Variants in SLAIN2 observed in about 807,000 individuals in gnomAD.
SLAIN2 encodes SLAIN family member 2, also known as SLAIN motif-containing protein 2.
SLAIN2 carries 31 observed loss-of-function variants against 56.6 expected under a neutral mutation model. The observed-to-expected ratio is 0.55, with a 90% CI of 0.41 to 0.74. The LOEUF is 0.74. Ranked by LOEUF, SLAIN2 falls within the 30% of genes least tolerant of loss-of-function variation. SLAIN2 has a pLI of 0.00. For missense variants in SLAIN2, 777 were observed against 754.2 expected (o/e 1.03, Z -0.35); for synonymous variants, 317 against 284.9 (o/e 1.11, Z -1.13).
rs557357672 is a variant in SLAIN2, at chr4:48,356,743, C to T, written c.390-13106C>T. Among the ~76,000 whole-genome samples, 28 of 152,014 alleles carry T rather than the reference C, an allele frequency of 1.8e-4. 1 individual carries two copies. The East Asian group carries it at 5.2e-3, about 28-fold the overall frequency. ...TAATTCTGAACCTCAAGTTTAGTGA[C>T]ACTTCAAGGAATATCAAAATTGTTT... On this transcript the variant is annotated intron_variant, in intron 1 of 7. Transcript: ENST00000264313.
chr4:48,345,585 A>G (rs1271567240), intron 1 of SLAIN2, among the ~76,000 whole-genome samples: 2 of 152,006 alleles, frequency 1.3e-5, no homozygotes, highest in African/African-American at 2.4e-5. Context: ...TCTCTCCCAT[A>G]TATTTTATAC....
intron 6 of SLAIN2, among the ~76,000 whole-genome samples, chr4:48,388,789 A>G (rs1008048144): frequency 6.6e-6 from 1 of 152,240 alleles, no homozygotes; most frequent in Non-Finnish European, 1.5e-5. Flanking sequence ...ATTAACTGTA[A>G]GTATTTTGTG....
intron 6 of SLAIN2, among the ~76,000 whole-genome samples, chr4:48,415,646 C>T (rs1716981345): frequency 1.3e-5 from 1 of 75,630 alleles, no homozygotes; most frequent in African/African-American, 4.3e-5. Context: ...CGCCTGTGTC[C>T]TGAATGGTAA....
chr4:48,366,407 A>G (rs1182813849), intron 1 of SLAIN2, among the ~76,000 whole-genome samples: 1 of 152,206 alleles, frequency 6.6e-6, no homozygotes, highest in African/African-American at 2.4e-5. Flanking sequence ...AGAGTCGGCT[A>G]TTGAAACCCC....
chr4:48,362,862 A>T (rs1187101079), intron 1 of SLAIN2, among the ~76,000 whole-genome samples: 2 of 104,782 alleles, frequency 1.9e-5, no homozygotes, highest in Non-Finnish European at 3.9e-5. Flanking sequence ...CAGCAGATAA[A>T]CAAGTGAACA....
chr4:48,387,464 A>C (rs1716129637), intron 6 of SLAIN2: 1 of 152,122 alleles, frequency 6.6e-6, no homozygotes, highest in Non-Finnish European at 1.5e-5. Flanking sequence ...TTTTAAGTGG[A>C]AAGTATGTAT....
chr4:48,371,477 T>A (rs2109753934), intron 2 of SLAIN2, among the ~76,000 whole-genome samples: 1 of 152,324 alleles, frequency 6.6e-6, no homozygotes, highest in East Asian at 1.9e-4. Flanking sequence ...TTGATGTAAG[T>A]TATATTCATA....
chr4:48,358,323 C>CTTT (rs34430243), intron 1 of SLAIN2, among the ~76,000 whole-genome samples: 1 of 145,840 alleles, frequency 6.9e-6, no homozygotes, highest in Non-Finnish European at 1.5e-5. Flanking sequence ...ACTAACAAAG[C>CTTT]TTTTTTTTTT....
chr4:48,348,729 G>A (rs1714935858), intron 1 of SLAIN2, among the ~76,000 whole-genome samples: 1 of 151,574 alleles, frequency 6.6e-6, no homozygotes, highest in South Asian at 2.1e-4. Flanking sequence ...AAGACAGAGT[G>A]CTAAGCTTAA....
chr4:48,392,115 G>C (rs2109770213), intron 6 of SLAIN2, among the ~76,000 whole-genome samples: 1 of 152,216 alleles, frequency 6.6e-6, no homozygotes, highest in East Asian at 1.9e-4. Context: ...TTTTGTCTTA[G>C]AAAACTAATC....
chr4:48,414,673 G>A (rs12498544), intron 6 of SLAIN2, among the ~76,000 whole-genome samples: 62,104 of 114,722 alleles, frequency 0.54, 17,806 homozygotes, highest in South Asian at 0.69. Flanking sequence ...GTGTCATCTA[G>A]CATTAGGTAT....
intron 1 of SLAIN2, among the ~76,000 whole-genome samples, chr4:48,351,687 A>G (rs191744255): frequency 5.9e-5 from 9 of 152,364 alleles, no homozygotes; most frequent in Non-Finnish European, 1.3e-4. Context: ...ATTCATCTTC[A>G]CATTTCTGTC....
chr4:48,380,345 T>C (rs1443577575), intron 4 of SLAIN2, among the ~76,000 whole-genome samples: 3 of 152,154 alleles, frequency 2.0e-5, no homozygotes, highest in African/African-American at 7.2e-5. Context: ...TTATGACATC[T>C]AGGAATTTTT....
intron 1 of SLAIN2, among the ~76,000 whole-genome samples, chr4:48,356,805 G>C (rs555091400): frequency 6.6e-6 from 1 of 152,108 alleles, no homozygotes; most frequent in South Asian, 2.1e-4. Flanking sequence ...TGCCATACTG[G>C]AATGGGAATA....
intron 6 of SLAIN2, among the ~76,000 whole-genome samples, chr4:48,398,517 G>A (rs572821431): frequency 6.2e-4 from 95 of 152,178 alleles, no homozygotes; most frequent in Non-Finnish European, 1.2e-3. Flanking sequence ...CCATTTGTCA[G>A]TTTTTGCGTT....
intron 6 of SLAIN2, chr4:48,394,636 C>T: frequency 2.0e-6 from 3 of 1,535,838 alleles, no homozygotes; most frequent in Non-Finnish European, 2.6e-6. Context: ...TTGCTTCAAA[C>T]TTCATCTACA....
At chr4:48,386,114 C>A (rs1365125589) in intron 6 of SLAIN2, among the ~76,000 whole-genome samples, 1 of 147,462 alleles carries the variant, frequency 6.8e-6, no homozygotes, top group African/African-American at 2.5e-5. Context: ...AAAAAAGCTA[C>A]GAAAAAACTA....
intron 6 of SLAIN2, among the ~76,000 whole-genome samples, chr4:48,418,392 T>G (rs915645901): frequency 1.1e-4 from 16 of 152,136 alleles, no homozygotes; most frequent in African/African-American, 2.7e-4. Flanking sequence ...GTCAGATGCT[T>G]TTTTTGAGTC....
intron 1 of SLAIN2, among the ~76,000 whole-genome samples, chr4:48,354,800 G>T (rs1715114097): frequency 6.6e-6 from 1 of 152,066 alleles, no homozygotes; most frequent in Non-Finnish European, 1.5e-5. Flanking sequence ...ATAATGAAAT[G>T]ATTATGAATT....
Sources: allele counts gnomAD v4.1 joint callset (sites outside exome capture counted in the v4.1 genomes callset), GRCh38; gene constraint gnomAD v4.1.1; transcripts MANE v1.5; gene names NCBI Gene and HGNC (gene_info 2026-07-23, HGNC 2026-07-21).